DYNLRB2: variants seen among roughly 807,000 people sequenced by gnomAD.
DYNLRB2 encodes dynein light chain roadblock-type 2.
Under a neutral mutation model 12.6 loss-of-function variants are expected in DYNLRB2, and 14 were observed. That is an observed-to-expected ratio of 1.11 (90% CI 0.73 to 1.73). The LOEUF (loss-of-function observed/expected upper bound fraction) is 1.73, where lower values mean the gene tolerates loss of function less well. Among genes scored for constraint, DYNLRB2 ranks in the 40% most tolerant of loss-of-function variants. The pLI, the probability that DYNLRB2 is intolerant of heterozygous loss-of-function variation, is 0.00. For missense variants in DYNLRB2, 142 were observed against 117.7 expected, an observed-to-expected ratio of 1.21 and a Z score of -0.95; for synonymous variants, 53 against 37.0, an observed-to-expected ratio of 1.43 and a Z score of -1.57.
At chr16:80,544,020 T>A (rs962488080) in intron 2 of DYNLRB2, among the ~76,000 whole-genome samples, 1 of 152,218 alleles carries the variant, frequency 6.6e-6, no homozygotes, top group Non-Finnish European at 1.5e-5. Flanking sequence ...CAGACATTTG[T>A]AAGGGCAAGG....
Position 80,541,063 on chromosome 16 carries a change from T to C in DYNLRB2, c.-14T>C. 1.2e-6 allele frequency: 2 copies of C among 1,608,296 alleles called. No homozygotes were observed. Among genetic ancestry groups the C allele is most frequent in the Middle Eastern group, 1.7e-4 (1 of 6,044 alleles). On this transcript the variant is annotated 5_prime_UTR_variant, in exon 1 of 4. Transcript: ENST00000305904. ...GTGCCGCCGGCCTGAGCCCAGAGTT[T>C]CGCGGCCTCCGCGATGGTAAATCTG... is the stretch of plus-strand genomic sequence containing the variant.
intron 2 of DYNLRB2, chr16:80,549,068 G>C (rs1194592031): frequency 4.4e-6 from 2 of 451,714 alleles, no homozygotes; most frequent in African/African-American, 4.0e-5. Flanking sequence ...TCAGTTAATG[G>C]CTTCTGAAAG....
intron 2 of DYNLRB2, among the ~76,000 whole-genome samples, chr16:80,548,697 G>A (rs1276722006): frequency 6.8e-6 from 1 of 147,786 alleles, no homozygotes; most frequent in Non-Finnish European, 1.5e-5. Flanking sequence ...ACTCCAGCCT[G>A]GGGGGCCTAC....
intron 1 of DYNLRB2, among the ~76,000 whole-genome samples, chr16:80,542,370 C>G (rs530323360): frequency 1.3e-5 from 2 of 152,050 alleles, no homozygotes; most frequent in Non-Finnish European, 2.9e-5. Context: ...TCAAGAAAAC[C>G]TTGGCTCTGA....
intron 1 of DYNLRB2, among the ~76,000 whole-genome samples, chr16:80,542,399 A>C (rs7186842): frequency 0.88 from 133,662 of 152,198 alleles, 61,266 homozygotes; most frequent in East Asian, 1. Flanking sequence ...TAGAGAAAAT[A>C]AGTGCTCCTG....
chr16:80,543,305 C>T lies in DYNLRB2; in HGVS notation c.33C>T (p.Ile11=). Residue 11 remains isoleucine, a synonymous_variant, in exon 2 of 4, where the codon ATC becomes ATT. Coordinates refer to ENST00000305904, the MANE Select transcript of DYNLRB2 (RefSeq NM_130897.3). The part of the protein sequence containing the change: MAEVEETLKR[I]QSHKGVIGTM... ...AGGTGGAGGAAACCTTAAAGAGGAT[C>T]CAGAGTCATAAAGGGGTTATTGGAA... is the stretch of plus-strand genomic sequence containing the variant. 6.2e-7 allele frequency: 1 copy of T among 1,613,984 alleles called. No homozygotes were observed. Among genetic ancestry groups the T allele is most frequent in the Non-Finnish European group, 8.5e-7 (1 of 1,179,926 alleles).
intron 2 of DYNLRB2, 124 bp from the exon 3 acceptor site, chr16:80,549,360 G>C: frequency 1.0e-6 from 1 of 968,216 alleles, no homozygotes. Flanking sequence ...ATTGTTACCA[G>C]AGAGGGATAA....
chr16:80,540,933 A>C (rs74729796), upstream of DYNLRB2: 14,492 of 1,476,952 alleles, frequency 9.8e-3, 1,025 homozygotes, highest in African/African-American at 0.17. Flanking sequence ...AGGGCGAAAA[A>C]GCCGACTCGC....
At chr16:80,542,354 C>T (rs1029388240) in intron 1 of DYNLRB2, among the ~76,000 whole-genome samples, 1 of 152,112 alleles carries the variant, frequency 6.6e-6, no homozygotes, top group African/African-American at 2.4e-5. Context: ...ACACAAATGC[C>T]TAAAGTCAAG....
rs1904786139 is a variant in DYNLRB2, at chr16:80,550,610, T to C, written c.*52T>C. On this transcript the variant is annotated 3_prime_UTR_variant, in exon 4 of 4. Transcript: ENST00000305904. ...CGACACTGGGTTGGAAACACTTGGCTCTCTCATGAGTATTAAAATTCTATT... is the reference window on the plus strand; with the variant it reads ...CGACACTGGGTTGGAAACACTTGGCCCTCTCATGAGTATTAAAATTCTATT... The C allele has an allele frequency of 6.3e-7, 1 of 1,589,764 alleles. No homozygotes were observed. The highest frequency in any genetic ancestry group is 8.6e-7 in the Non-Finnish European group (1 of 1,158,122).
chr16:80,550,356 C>G (rs28448585), intron 3 of DYNLRB2, among the ~76,000 whole-genome samples, 159 bp from the exon 4 acceptor site: 34,296 of 152,088 alleles, frequency 0.23, 4,048 homozygotes, highest in Middle Eastern at 0.3. Context: ...TGGGTATTTT[C>G]TAAAGACTGA....
At chr16:80,548,800 C>A (rs537102110) in intron 2 of DYNLRB2, 2 of 339,652 alleles carry the variant, frequency 5.9e-6, no homozygotes, top group Non-Finnish European at 1.2e-5. Context: ...GTGCAAACCA[C>A]GGAATGCACA....
rs189026572 is a variant in DYNLRB2 at position 80,550,520 on chromosome 16, G to A, written c.253G>A (p.Glu85Lys). Reference protein sequence around the residue: ...KHEIMVAPDKEYLLIVIQNPC... With the variant: ...KHEIMVAPDKKYLLIVIQNPC... ...TTTTATCCATCTCTCCATAGATAAGGAATATCTTCTGATCGTCATTCAGAA... is the reference window on the plus strand; with the variant it reads ...TTTTATCCATCTCTCCATAGATAAGAAATATCTTCTGATCGTCATTCAGAA... The change falls in exon 4 of 4, where the codon GAA becomes AAA. Residue 85 changes from glutamate to lysine, a missense_variant. Physicochemically the swap from Glu to Lys is moderately conservative, Grantham distance 56. Coordinates refer to ENST00000305904, the MANE Select transcript of DYNLRB2 (RefSeq NM_130897.3). 7 of 1,614,078 alleles carry A rather than the reference G, an allele frequency of 4.3e-6. No individual in the cohort carries two copies. The Admixed American group carries it at 6.7e-5, about 15-fold the overall frequency.
At chr16:80,542,695 G>T (rs1333591749) in intron 1 of DYNLRB2, among the ~76,000 whole-genome samples, 1 of 152,192 alleles carries the variant, frequency 6.6e-6, no homozygotes, top group Non-Finnish European at 1.5e-5. Context: ...TGAACATTCA[G>T]CTTGCACTGA....
intron 2 of DYNLRB2, among the ~76,000 whole-genome samples, chr16:80,547,243 A>G (rs774093251): frequency 6.6e-6 from 1 of 152,236 alleles, no homozygotes; most frequent in Non-Finnish European, 1.5e-5. Flanking sequence ...AGACAATGGT[A>G]TCATTAAGAT....
chr16:80,541,494 G>C, intron 1 of DYNLRB2: 2 of 600,192 alleles, frequency 3.3e-6, no homozygotes, highest in Non-Finnish European at 4.2e-6. Context: ...CAAGGGAATG[G>C]AAGGGTGAGA....
At position 80,550,574 on chromosome 16, in the gene DYNLRB2, G is replaced by A; in HGVS notation, c.*16G>A. 1 of 1,614,162 alleles carries A rather than the reference G, an allele frequency of 6.2e-7. No individual in the cohort carries two copies. The highest frequency in any genetic ancestry group is 1.7e-5 in the Admixed American group (1 of 60,026). On this transcript the variant is annotated 3_prime_UTR_variant, in exon 4 of 4. Coordinates refer to ENST00000305904, the MANE Select transcript of DYNLRB2 (RefSeq NM_130897.3). ...ATGTGAATAGACCTGCGATGGCCAA[G>A]GCTGTTTAAGCGACACTGGGTTGGA...
intron 2 of DYNLRB2, among the ~76,000 whole-genome samples, chr16:80,544,446 G>C (rs901803347): frequency 6.6e-6 from 1 of 152,202 alleles, no homozygotes; most frequent in Non-Finnish European, 1.5e-5. Flanking sequence ...TAATCAGGGG[G>C]AAGAGAGGAT....
intron 2 of DYNLRB2, among the ~76,000 whole-genome samples, chr16:80,544,115 C>T (rs1043573389): frequency 1.8e-4 from 27 of 152,292 alleles, no homozygotes; most frequent in African/African-American, 5.8e-4. Flanking sequence ...TGGCCTATTA[C>T]CAACTCAGTG....
Sources: gnomAD v4.1 joint callset for allele counts (sites outside exome capture counted in the v4.1 genomes callset) on GRCh38, gnomAD v4.1.1 for gene constraint, MANE v1.5 for transcripts, NCBI Gene and HGNC (gene_info 2026-07-23, HGNC 2026-07-21) for gene names.